TMEM132C: variants seen among roughly 807,000 people sequenced by gnomAD.
The protein encoded by TMEM132C is protein phosphatase 1, regulatory subunit 152.
Under a neutral mutation model 61.4 loss-of-function variants are expected in TMEM132C, and 29 were observed. That is an observed-to-expected ratio of 0.47 (90% CI 0.35 to 0.64). TMEM132C has a LOEUF of 0.64. TMEM132C is among the 30% of genes least tolerant of loss of function. The probability of loss-of-function intolerance (pLI) is 0.00; values close to 1 mark genes in which losing one functional copy is unlikely to be tolerated. For missense variants in TMEM132C, 1,408 were observed against 1,476.9 expected (o/e 0.95, Z 0.76); for synonymous variants, 656 against 633.1 (o/e 1.04, Z -0.54).
chr12:128,445,757 G>A (rs1869959732), intron 2 of TMEM132C, among the ~76,000 whole-genome samples: 1 of 152,286 alleles, frequency 6.6e-6, no homozygotes, highest in East Asian at 1.9e-4. Context: ...AGTCTGCGGG[G>A]AATAAGAGTA....
chr12:128,438,322 G>C (rs1292343281), intron 2 of TMEM132C, among the ~76,000 whole-genome samples: 1 of 152,070 alleles, frequency 6.6e-6, no homozygotes, highest in Non-Finnish European at 1.5e-5. Context: ...TGCTCTGTTA[G>C]TTACCATGAG....
intron 4 of TMEM132C, among the ~76,000 whole-genome samples, chr12:128,663,898 ATG>A (rs1566007315): frequency 2.9e-5 from 4 of 139,164 alleles, no homozygotes; most frequent in African/African-American, 1.1e-4. Context: ...AAGCACCCAC[ATG>A]CACGCACACA....
chr12:128,282,843 G>A (rs2135900667), intron 1 of TMEM132C, among the ~76,000 whole-genome samples: 1 of 152,268 alleles, frequency 6.6e-6, no homozygotes, highest in East Asian at 1.9e-4. Context: ...CCTGATTAGT[G>A]ATTCAGATGC....
chr12:128,565,356 C>A (rs1874659673), intron 3 of TMEM132C, among the ~76,000 whole-genome samples: 1 of 152,324 alleles, frequency 6.6e-6, no homozygotes, highest in East Asian at 1.9e-4. Flanking sequence ...CTAAGCTTTT[C>A]AGGATTCTTA....
chr12:128,385,674 A>G (rs559314674), intron 1 of TMEM132C, among the ~76,000 whole-genome samples: 42 of 152,358 alleles, frequency 2.8e-4, no homozygotes, highest in African/African-American at 9.1e-4. Flanking sequence ...AACAGGGAGT[A>G]AGGAAATGAG....
chr12:128,398,103 C>T (rs1020670297), intron 1 of TMEM132C, among the ~76,000 whole-genome samples: 28 of 152,310 alleles, frequency 1.8e-4, no homozygotes, highest in Non-Finnish European at 1.0e-4. Flanking sequence ...TCCATCAGAG[C>T]GGATGCTGAG....
intron 1 of TMEM132C, among the ~76,000 whole-genome samples, chr12:128,299,388 C>T (rs1272129477): frequency 2.0e-5 from 3 of 152,158 alleles, no homozygotes; most frequent in East Asian, 1.9e-4. Context: ...GAGCTGGTCT[C>T]ATTAGATGAG....
chr12:128,445,674 G>A (rs937301701), intron 2 of TMEM132C, among the ~76,000 whole-genome samples: 1 of 152,170 alleles, frequency 6.6e-6, no homozygotes, highest in African/African-American at 2.4e-5. Flanking sequence ...GTTCATGAAG[G>A]GCTCACTCTG....
Position 128,630,926 on chromosome 12 carries a change from G to A in TMEM132C, c.1305+14591G>A, listed in dbSNP as rs1280438057. On this transcript the variant is annotated intron_variant, in intron 4 of 8. Transcript: ENST00000435159. This position sits in a 1 kb window ranked among gnomAD's most constrained non-coding sequence, Gnocchi z 4.3. Reference sequence around the variant, plus strand: ...ATGTGCCTGTATTCCCAGCTACTCAGGAGGCTGAGACACGAGAATCGCTTG... The same window carrying A: ...ATGTGCCTGTATTCCCAGCTACTCAAGAGGCTGAGACACGAGAATCGCTTG... 6.6e-6 allele frequency among the ~76,000 whole-genome samples: 1 copy of A among 152,164 alleles called. No individual in the cohort carries two copies. The highest frequency in any genetic ancestry group is 2.4e-5 in the African/African-American group (1 of 41,454).
intron 2 of TMEM132C, among the ~76,000 whole-genome samples, chr12:128,449,853 T>G (rs1222450378): frequency 1.3e-5 from 2 of 152,170 alleles, no homozygotes; most frequent in African/African-American, 4.8e-5. Context: ...GGGAAGGAAG[T>G]GCATTTGACA....
At chr12:128,405,229 C>T (rs561010506) in intron 1 of TMEM132C, among the ~76,000 whole-genome samples, 182 of 152,272 alleles carry the variant, frequency 1.2e-3, no homozygotes, top group Non-Finnish European at 1.3e-3. Flanking sequence ...CAGGAGATAA[C>T]GTTTCCGGGA....
chr12:128,276,979 C>T (rs1870715260), intron 1 of TMEM132C, among the ~76,000 whole-genome samples: 1 of 149,952 alleles, frequency 6.7e-6, no homozygotes, highest in East Asian at 1.9e-4. Flanking sequence ...TAAGACAAAA[C>T]AAACAAACAA....
chr12:128,361,798 G>A (rs577904167), intron 1 of TMEM132C, among the ~76,000 whole-genome samples: 2 of 152,168 alleles, frequency 1.3e-5, no homozygotes, highest in African/African-American at 4.8e-5. Context: ...TGAGGACTTG[G>A]GGCCCCGTTG....
At position 128,414,712 on chromosome 12, in the gene TMEM132C, CTT is replaced by C. The variant is rs1565929034; in HGVS notation, c.86-18_86-17del. The C allele has an allele frequency of 2.0e-6, 3 of 1,491,756 alleles. No homozygotes were observed. In the Admixed American group the frequency reaches 6.8e-5, roughly 34 times the overall value. The allele number at this position is 1,491,756 out of a possible 1,614,324, so 92.4% of individuals were successfully genotyped here. ...AATCCTGTCTTTGTCTTTTTCTTTT[CTT>C]TCTTTTTCCCTTTTTAGTGATAGAG... On this transcript the variant is annotated intron_variant, in intron 1 of 8. Transcript: ENST00000435159.
intron 5 of TMEM132C, among the ~76,000 whole-genome samples, chr12:128,672,978 A>G (rs895638043): frequency 6.6e-6 from 1 of 152,240 alleles, no homozygotes; most frequent in Non-Finnish European, 1.5e-5. Context: ...CAGTCACTGT[A>G]TCAGCATCTT....
Position 128,696,007 on chromosome 12 carries a change from G to C in TMEM132C, c.1833G>C (p.Leu611=). ...SPNWQFDITH[L]VADFMKLEEP... ...ACTGGCAGTTCGACATCACTCACCT[G>C]GTGGCAGACTTCATGAAGCTGGAGG... The change falls in exon 7 of 9, where the codon CTG becomes CTC. Residue 611 remains leucine (L), a synonymous_variant. Coordinates refer to ENST00000435159, the MANE Select transcript of TMEM132C (RefSeq NM_001136103.3). 1 of 1,551,774 alleles carries C rather than the reference G, an allele frequency of 6.4e-7. No homozygotes were observed.
At chr12:128,560,135 T>C (rs1874462372) in intron 3 of TMEM132C, among the ~76,000 whole-genome samples, 1 of 152,080 alleles carries the variant, frequency 6.6e-6, no homozygotes, top group South Asian at 2.1e-4. Flanking sequence ...TAGTCCCAGC[T>C]AGTGGAGAGG....
intron 2 of TMEM132C, among the ~76,000 whole-genome samples, chr12:128,449,010 A>G (rs1046079958): frequency 6.6e-6 from 1 of 151,648 alleles, no homozygotes; most frequent in African/African-American, 2.4e-5. Flanking sequence ...GGTGGCGGGC[A>G]CCTGTAGTCC....
At chr12:128,464,004 C>T (rs190240414) in intron 2 of TMEM132C, among the ~76,000 whole-genome samples, 1 of 152,298 alleles carries the variant, frequency 6.6e-6, no homozygotes, top group East Asian at 1.9e-4. Context: ...AGCTGGCCCT[C>T]CCCTAAATAA....
Sources: gnomAD v4.1 joint callset for allele counts (sites outside exome capture counted in the v4.1 genomes callset) on GRCh38, gnomAD v4.1.1 for gene constraint, Gnocchi (gnomAD v3.1) non-coding constraint, MANE v1.5 for transcripts, NCBI Gene and HGNC (gene_info 2026-07-23, HGNC 2026-07-21) for gene names.